TSHZ2: variants seen among roughly 807,000 people sequenced by gnomAD.
TSHZ2 encodes the protein teashirt homolog 2.
A neutral mutation model predicts 74.4 loss-of-function variants in TSHZ2; 21 were observed. The ratio of observed to expected loss-of-function variants is 0.28; its 90% CI spans 0.20 to 0.41. TSHZ2 has a LOEUF of 0.41. Ranked by LOEUF, TSHZ2 falls within the 10% of genes least tolerant of loss-of-function variation. The pLI is 1.00. For synonymous variants in TSHZ2, 540 were observed against 515.3 expected (o/e 1.05, Z -0.65); for missense variants, 1,244 against 1,293.5 (o/e 0.96, Z 0.59).
chr20:53,085,225 C>T (rs62206546), intron 1 of TSHZ2, among the ~76,000 whole-genome samples: 1 of 151,912 alleles, frequency 6.6e-6, no homozygotes, highest in South Asian at 2.1e-4. Flanking sequence ...ATCAGCCGGG[C>T]GTGGTGGCGG....
intron 2 of TSHZ2, among the ~76,000 whole-genome samples, chr20:53,462,087 A>AG (rs1568928971): frequency 6.6e-6 from 1 of 151,800 alleles, no homozygotes; most frequent in African/African-American, 2.4e-5. Flanking sequence ...CAAAAAAAAA[A>AG]GAAAAAAAGA....
In TSHZ2 at chr20:53,490,753, C is replaced by T. The variant is rs1986425725; in HGVS notation, c.*3618C>T. 6.6e-6 allele frequency: 1 copy of T among 152,174 alleles called. No homozygotes were observed. Among genetic ancestry groups the T allele is most frequent in the Admixed American group, 6.5e-5 (1 of 15,274 alleles). 9.4% of individuals were successfully genotyped at this position (152,174 alleles called of 1,614,324 possible). On this transcript the variant is annotated 3_prime_UTR_variant, in exon 3 of 3. Coordinates refer to ENST00000371497, the MANE Select transcript of TSHZ2 (RefSeq NM_173485.6). ...CAAATGCAATGACATATCTGAGAAGCATTTATGTAACTCCGGTTAAGTGGT... is the reference window on the plus strand; with the variant it reads ...CAAATGCAATGACATATCTGAGAAGTATTTATGTAACTCCGGTTAAGTGGT...
At chr20:53,198,970 C>T (rs886308732) in intron 1 of TSHZ2, among the ~76,000 whole-genome samples, 1 of 152,128 alleles carries the variant, frequency 6.6e-6, no homozygotes, top group South Asian at 2.1e-4. Flanking sequence ...TAATAAGGTG[C>T]CCCGACTAGA....
Position 53,461,126 on chromosome 20 carries a change from G to A in TSHZ2, c.*9-26018G>A, listed in dbSNP as rs1263929436. Reference sequence around the variant, plus strand: ...TAAGCAAGCCTGGGCAATGGCGGGCGCCCCTCCCCCAGCCTCGCTGCCGCC... The same window carrying A: ...TAAGCAAGCCTGGGCAATGGCGGGCACCCCTCCCCCAGCCTCGCTGCCGCC... On this transcript the variant is annotated intron_variant, in intron 2 of 2. Coordinates refer to ENST00000371497, the MANE Select transcript of TSHZ2 (RefSeq NM_173485.6). Among the ~76,000 whole-genome samples, 29 of 152,090 alleles carry A rather than the reference G, an allele frequency of 1.9e-4. No individual in the cohort carries two copies. In the East Asian group the frequency reaches 4.3e-3, roughly 22 times the overall value.
chr20:53,403,206 A>G (rs1214570670), intron 2 of TSHZ2, among the ~76,000 whole-genome samples: 1 of 152,172 alleles, frequency 6.6e-6, no homozygotes. Flanking sequence ...CTCCAGTTCC[A>G]TCCATGTTGC....
intron 2 of TSHZ2, among the ~76,000 whole-genome samples, chr20:53,375,224 A>C (rs1270736161): frequency 6.6e-6 from 1 of 152,238 alleles, no homozygotes; most frequent in Non-Finnish European, 1.5e-5. Flanking sequence ...AAAATTGTGA[A>C]GGTGGCCTGC....
chr20:53,201,149 A>G (rs1405218922), intron 1 of TSHZ2, among the ~76,000 whole-genome samples: 1 of 152,210 alleles, frequency 6.6e-6, no homozygotes, highest in Non-Finnish European at 1.5e-5. Context: ...TTCTGAGCAG[A>G]GTAAACTCAT....
chr20:53,294,148 G>GGGGCTGAATCTT (rs2145465411), intron 2 of TSHZ2, among the ~76,000 whole-genome samples: 1 of 151,690 alleles, frequency 6.6e-6, no homozygotes, highest in South Asian at 2.1e-4. Flanking sequence ...TGAGCTAGGA[G>GGGGCTGAATCTT]GGGCTGGATC....
At chr20:53,242,267 C>G (rs959740557) in intron 1 of TSHZ2, among the ~76,000 whole-genome samples, 1 of 152,068 alleles carries the variant, frequency 6.6e-6, no homozygotes, top group African/African-American at 2.4e-5. Flanking sequence ...GTATAGCAAC[C>G]AAAAATGTCC....
At chr20:52,990,344 A>G (rs1019646693) in intron 1 of TSHZ2, among the ~76,000 whole-genome samples, 1 of 152,062 alleles carries the variant, frequency 6.6e-6, no homozygotes, top group Non-Finnish European at 1.5e-5. Flanking sequence ...ACATTTGCAC[A>G]TAGTAGGCAC....
chr20:53,456,674 G>C (rs1985100931), intron 2 of TSHZ2, among the ~76,000 whole-genome samples: 1 of 125,746 alleles, frequency 8.0e-6, no homozygotes, highest in Non-Finnish European at 1.6e-5. Context: ...TTTCTTCTAG[G>C]GTTTTTATGG....
At chr20:53,223,557 AT>A (rs1384679722) in intron 1 of TSHZ2, among the ~76,000 whole-genome samples, 2 of 152,102 alleles carry the variant, frequency 1.3e-5, no homozygotes, top group African/African-American at 4.8e-5. Context: ...ACTTCAGGCT[AT>A]TTTTTAAAAT....
At chr20:53,080,866 T>C (rs942486332) in intron 1 of TSHZ2, among the ~76,000 whole-genome samples, 4 of 152,196 alleles carry the variant, frequency 2.6e-5, no homozygotes, top group African/African-American at 9.6e-5. Context: ...GTCCACCAGC[T>C]ATGAGTTTGG....
At chr20:53,310,501 C>A (rs1257805866) in intron 2 of TSHZ2, among the ~76,000 whole-genome samples, 2 of 152,350 alleles carry the variant, frequency 1.3e-5, no homozygotes, top group Middle Eastern at 3.4e-3. Flanking sequence ...GTTAGGTGAG[C>A]CCTCTGCATC....
Position 53,490,551 on chromosome 20 carries a change from A to G in TSHZ2, c.*3416A>G, listed in dbSNP as rs995925471. On this transcript the variant is annotated 3_prime_UTR_variant, in exon 3 of 3. Coordinates refer to ENST00000371497, the MANE Select transcript of TSHZ2 (RefSeq NM_173485.6). ...AGCTTAAAAATAGGTCAAGACCTAA[A>G]AACAGAATATAATCACGGAATAAAC... 10 of 152,246 alleles carry G rather than the reference A, an allele frequency of 6.6e-5. No homozygotes were observed. Among genetic ancestry groups the G allele is most frequent in the African/African-American group, 2.2e-4 (9 of 41,464 alleles). 9.4% of individuals were successfully genotyped at this position (152,246 alleles called of 1,614,324 possible).
chr20:53,381,539 TG>T (rs1981861110), intron 2 of TSHZ2, among the ~76,000 whole-genome samples: 1 of 152,226 alleles, frequency 6.6e-6, no homozygotes, highest in South Asian at 2.1e-4. Flanking sequence ...CTCCAGTGTG[TG>T]AAAAATATAA....
intron 1 of TSHZ2, among the ~76,000 whole-genome samples, chr20:53,053,451 C>T (rs1984541823): frequency 6.6e-6 from 1 of 152,086 alleles, no homozygotes; most frequent in African/African-American, 2.4e-5. Context: ...AAAAGGTAGC[C>T]AAGAGAACGG....
intron 1 of TSHZ2, among the ~76,000 whole-genome samples, chr20:53,068,947 G>T (rs180917431): frequency 6.7e-6 from 1 of 149,666 alleles, no homozygotes; most frequent in South Asian, 2.2e-4. Context: ...TAAGAACCCC[G>T]TTTTTCTTAA....
chr20:52,977,419 AATACACAC>A (rs1981383824), intron 1 of TSHZ2, among the ~76,000 whole-genome samples: 1 of 100,508 alleles, frequency 9.9e-6, no homozygotes, highest in Non-Finnish European at 2.0e-5. Flanking sequence ...TGAATGGAAA[AATACACAC>A]ACACACACAC....
Sources: allele counts gnomAD v4.1 joint callset (sites outside exome capture counted in the v4.1 genomes callset), GRCh38; gene constraint gnomAD v4.1.1; transcripts MANE v1.5; gene names NCBI Gene and HGNC (gene_info 2026-07-23, HGNC 2026-07-21).